NANOGNB: variants seen among roughly 807,000 people sequenced by gnomAD.
NANOGNB encodes NANOG neighbor homeobox.
In NANOGNB, 30 loss-of-function variants were observed where a neutral mutation model predicts 25.0. That is an observed-to-expected ratio of 1.20 (90% CI 0.90 to 1.63). The LOEUF (loss-of-function observed/expected upper bound fraction) is 1.63. Ranked by LOEUF, NANOGNB falls within the 40% of genes most tolerant of loss-of-function variation. The probability of loss-of-function intolerance (pLI) is 0.00; values close to 1 mark genes in which losing one functional copy is unlikely to be tolerated. For missense variants in NANOGNB, 200 were observed against 188.1 expected, an observed-to-expected ratio of 1.06 and a Z score of -0.37; for synonymous variants, 84 against 62.1, an observed-to-expected ratio of 1.35 and a Z score of -1.66.
intron 1 of NANOGNB, among the ~76,000 whole-genome samples, chr12:7,767,011 T>C (rs1865252155): frequency 6.6e-6 from 1 of 152,140 alleles, no homozygotes; most frequent in African/African-American, 2.4e-5. Flanking sequence ...TAGCTAATTT[T>C]TGTATTTTTA....
At chr12:7,766,196 C>T in intron 1 of NANOGNB, 2 of 398,684 alleles carry the variant, frequency 5.0e-6, no homozygotes, top group Admixed American at 8.8e-5. Context: ...ACAGGCCAGG[C>T]ACAGTGGCTC....
intron 3 of NANOGNB, among the ~76,000 whole-genome samples, chr12:7,773,208 C>G (rs1484142158): frequency 6.7e-6 from 1 of 150,244 alleles, no homozygotes; most frequent in East Asian, 2.0e-4. Flanking sequence ...CCTCCCACCT[C>G]AGCCTCCCGA....
chr12:7,770,020 A>T lies in NANOGNB; in HGVS notation c.140A>T (p.Gln47Leu), dbSNP rs1306356071. 2.0e-6 allele frequency: 3 copies of T among 1,529,160 alleles called. No individual in the cohort carries two copies. The highest frequency in any genetic ancestry group is 4.5e-5 in the Admixed American group (2 of 44,906). 94.7% of individuals were successfully genotyped at this position (1,529,160 alleles called of 1,614,324 possible). Residue 47 changes from glutamine (Q) to leucine (L), a missense_variant, in exon 2 of 4, where the codon CAA becomes CTA. Transcript: ENST00000382119. ...SAMPWDQDPE[Q>L]STGNYSEDEQ... is the part of the protein sequence containing the mutation. Reference sequence around the variant, plus strand: ...ATGCCTTGGGATCAAGATCCAGAACAATCAACTGGAAATTACAGTGAAGAT... The same window carrying T: ...ATGCCTTGGGATCAAGATCCAGAACTATCAACTGGAAATTACAGTGAAGAT...
At chr12:7,765,569 C>CAAAAAAAAAA (rs1187331161) in intron 1 of NANOGNB, among the ~76,000 whole-genome samples, 182 bp downstream of exon 1, 13 of 48,660 alleles carry the variant, frequency 2.7e-4, no homozygotes, top group East Asian at 1.5e-3. Flanking sequence ...GACTCCGTCT[C>CAAAAAAAAAA]AAAAAAAAAA....
At chr12:7,769,669 G>C (rs57143511) in intron 1 of NANOGNB, among the ~76,000 whole-genome samples, 1 of 151,430 alleles carries the variant, frequency 6.6e-6, no homozygotes, top group Non-Finnish European at 1.5e-5. Context: ...ATGGGGCTAC[G>C]GGCACGTGCC....
chr12:7,773,483 C>T (rs1430012733), intron 3 of NANOGNB, among the ~76,000 whole-genome samples: 3 of 142,558 alleles, frequency 2.1e-5, no homozygotes, highest in Non-Finnish European at 3.0e-5. Flanking sequence ...GGTGGATCAC[C>T]TGAGGTCAGG....
chr12:7,770,184 C>G lies in NANOGNB; in HGVS notation c.304C>G (p.Gln102Glu), dbSNP rs373676869. 13 of 1,551,708 alleles carry G rather than the reference C, an allele frequency of 8.4e-6. No homozygotes were observed. In the African/African-American group the frequency reaches 1.6e-4, roughly 20 times the overall value. The part of the protein sequence containing the change: ...KRKRENEKQK[Q>E]YPEKRLVSKS... ...GAAAAGGGAAAATGAGAAACAGAAA[C>G]AGTATCCCGAGAAAAGATTAGTCAG... is the stretch of plus-strand genomic sequence containing the variant. Residue 102 changes from glutamine to glutamate, a missense_variant, in exon 2 of 4, where the codon CAG (glutamine) becomes GAG (glutamate). Coordinates refer to ENST00000382119, the MANE Select transcript of NANOGNB (RefSeq NM_001145465.1).
chr12:7,769,969 A>G lies in NANOGNB; in HGVS notation c.103-14A>G, dbSNP rs982426462. Reference sequence around the variant, plus strand: ...GCTGCAGCTTGATTTTATTCCACGGATCTTTTTATACAGAAACAATCAGCT... The same window carrying G: ...GCTGCAGCTTGATTTTATTCCACGGGTCTTTTTATACAGAAACAATCAGCT... On this transcript the variant is annotated splice_polypyrimidine_tract_variant and intron_variant, in intron 1 of 3. Transcript: ENST00000382119. The G allele has an allele frequency of 3.4e-6, 5 of 1,483,406 alleles. No individual in the cohort carries two copies. The East Asian group carries it at 1.2e-4, about 37-fold the overall frequency. 91.9% of individuals were successfully genotyped at this position (1,483,406 alleles called of 1,614,324 possible).
At chr12:7,770,861 C>T (rs1263670278) in intron 3 of NANOGNB, among the ~76,000 whole-genome samples, 1 of 152,184 alleles carries the variant, frequency 6.6e-6, no homozygotes, top group African/African-American at 2.4e-5. Flanking sequence ...ATCCACCAGC[C>T]TGGGCCTTCC....
intron 1 of NANOGNB, among the ~76,000 whole-genome samples, chr12:7,767,470 G>A (rs905564250): frequency 4.0e-5 from 6 of 151,296 alleles, no homozygotes; most frequent in African/African-American, 1.2e-4. Flanking sequence ...ATGCCAAGGC[G>A]GACAGATCAC....
intron 1 of NANOGNB, among the ~76,000 whole-genome samples, 181 bp downstream of exon 1, chr12:7,765,568 T>TAAAAAAAAAAAAAAAAAAAAAAA (rs1170282407): frequency 1.5e-5 from 1 of 67,244 alleles, no homozygotes; most frequent in Non-Finnish European, 2.8e-5. Flanking sequence ...AGACTCCGTC[T>TAAAAAAAAAAAAAAAAAAAAAAA]CAAAAAAAAA....
chr12:7,770,060 G>A lies in NANOGNB; in HGVS notation c.180G>A (p.Lys60=). Reference sequence around the variant, plus strand: ...ACAGTGAAGATGAACAAAATGGAAAGCAGAAATGGAGAGAAGAAGGAGAAG... The same window carrying A: ...ACAGTGAAGATGAACAAAATGGAAAACAGAAATGGAGAGAAGAAGGAGAAG... The part of the protein sequence containing the change: ...GNYSEDEQNG[K]QKWREEGEAG... Residue 60 remains lysine (K), a synonymous_variant, in exon 2 of 4, where the codon AAG becomes AAA. Transcript: ENST00000382119. 1 of 1,542,440 alleles carries A rather than the reference G, an allele frequency of 6.5e-7. No homozygotes were observed. Among genetic ancestry groups the A allele is most frequent in the Non-Finnish European group, 8.7e-7 (1 of 1,144,762 alleles).
In NANOGNB at chr12:7,773,893, T is replaced by G; in HGVS notation, c.*42T>G. ...TCCAGAAATGCTGTGATTACAAGCA[T>G]GAGCCATCGCACTGGCTAAGACATT... On this transcript the variant is annotated 3_prime_UTR_variant, in exon 4 of 4. Transcript: ENST00000382119. 1.6e-6 allele frequency: 1 copy of G among 611,114 alleles called. No individual in the cohort carries two copies. Among genetic ancestry groups the G allele is most frequent in the South Asian group, 1.8e-5 (1 of 55,078 alleles). The allele number at this position is 611,114 out of a possible 1,614,324, so 37.9% of individuals were successfully genotyped here. A position where few individuals can be genotyped will look rare whatever the true frequency, so the allele number is the denominator to read the frequency against.
chr12:7,770,053 A>G lies in NANOGNB; in HGVS notation c.173A>G (p.Asn58Ser), dbSNP rs114136506. 1,762 of 1,540,896 alleles carry G rather than the reference A, an allele frequency of 1.1e-3. 13 individuals carry two copies. In the African/African-American group the frequency reaches 0.02, roughly 18 times the overall value. ...STGNYSEDEQ[N>S]GKQKWREEGE... ...GGAAATTACAGTGAAGATGAACAAAATGGAAAGCAGAAATGGAGAGAAGAA... is the reference window on the plus strand; with the variant it reads ...GGAAATTACAGTGAAGATGAACAAAGTGGAAAGCAGAAATGGAGAGAAGAA... The change falls in exon 2 of 4, where the codon AAT becomes AGT. Residue 58 changes from asparagine to serine, a missense_variant. Transcript: ENST00000382119.
At chr12:7,765,902 T>C (rs1865241077) in intron 1 of NANOGNB, among the ~76,000 whole-genome samples, 1 of 152,090 alleles carries the variant, frequency 6.6e-6, no homozygotes, top group African/African-American at 2.4e-5. Context: ...ATCTCCCTTT[T>C]GGGCAGTATT....
Position 7,773,771 on chromosome 12 carries a change from C to CT in NANOGNB, c.516-28dup, listed in dbSNP as rs753862496. ...TAAATATATAGACTGTGTTGCGAAA[C>CT]TCTTTTTTTTTTTTTTTTTTTTAAA... On this transcript the variant is annotated intron_variant, in intron 3 of 3. Transcript: ENST00000382119. The CT allele has an allele frequency of 1.5e-4, 81 of 554,894 alleles. 1 individual carries two copies. Among genetic ancestry groups the CT allele is most frequent in the Middle Eastern group, 8.2e-4 (2 of 2,446 alleles). 34.4% of individuals were successfully genotyped at this position (554,894 alleles called of 1,614,324 possible).
At chr12:7,767,754 CCT>C (rs1186245330) in intron 1 of NANOGNB, among the ~76,000 whole-genome samples, 3 of 150,478 alleles carry the variant, frequency 2.0e-5, no homozygotes, top group Admixed American at 2.0e-4. Flanking sequence ...TTTCCTTTTT[CCT>C]CTTTTTTTTT....
At chr12:7,773,743 A>G in intron 3 of NANOGNB, 57 bp from the exon 4 acceptor site, 1 of 563,486 alleles carries the variant, frequency 1.8e-6, no homozygotes, top group Admixed American at 3.4e-5. Context: ...AATTTAAAAT[A>G]AATAAATATA....
chr12:7,770,401 C>T (rs1445708346), intron 2 of NANOGNB, 38 bp from the exon 3 acceptor site: 1 of 1,526,914 alleles, frequency 6.5e-7, no homozygotes, highest in East Asian at 2.5e-5. Context: ...TATCCTTATT[C>T]CTGTATTAAT....
Sources: gnomAD v4.1 joint callset for allele counts (sites outside exome capture counted in the v4.1 genomes callset) on GRCh38, gnomAD v4.1.1 for gene constraint, MANE v1.5 for transcripts, NCBI Gene and HGNC (gene_info 2026-07-23, HGNC 2026-07-21) for gene names.